The following CEP85L variants were observed in gnomAD, a reference collection of about 807,000 sequenced individuals.
The protein encoded by CEP85L is centrosomal protein 85L, also known as centrosomal protein of 85 kDa-like.
CEP85L carries 60 observed loss-of-function variants against 100.3 expected under a neutral mutation model. That is an observed-to-expected ratio of 0.60 (90% confidence interval 0.49 to 0.74). The LOEUF is 0.74. Ranked by LOEUF, CEP85L falls within the 30% of genes least tolerant of loss-of-function variation. CEP85L has a pLI of 0.00. For missense variants in CEP85L, 973 were observed against 936.2 expected (o/e 1.04, Z -0.51); for synonymous variants, 319 against 322.7 (o/e 0.99, Z 0.12).
intron 1 of CEP85L, among the ~76,000 whole-genome samples, chr6:118,687,552 G>A (rs928603031): frequency 3.9e-5 from 6 of 152,182 alleles, no homozygotes; most frequent in African/African-American, 1.4e-4. Context: ...AGGAGGTAAA[G>A]AAATAGCCAA....
Position 118,565,212 on chromosome 6 carries a change from C to T in CEP85L, c.1020+317G>A, listed in dbSNP as rs78530950. 340 of 308,600 alleles carry T rather than the reference C, an allele frequency of 1.1e-3. 3 individuals carry two copies. The East Asian group carries it at 0.021, about 19-fold the overall frequency. The allele number at this position is 308,600 out of a possible 1,614,324, so 19.1% of individuals were successfully genotyped here. The stretch of plus-strand genomic sequence containing the variant: ...CAAGTTGATGCTCTTTCTATTATAC[C>T]TATGCTAGCTTTTTTGTTTCTGTTT... On this transcript the variant is annotated intron_variant, in intron 3 of 12. Coordinates refer to ENST00000368491, the MANE Select transcript of CEP85L (RefSeq NM_001042475.3).
chr6:118,654,598 G>A (rs1394531312), upstream of CEP85L, among the ~76,000 whole-genome samples: 1 of 152,080 alleles, frequency 6.6e-6, no homozygotes, highest in East Asian at 1.9e-4. Context: ...GTGGATTGTT[G>A]TAATCCCAAA....
rs774869216 is a variant in CEP85L, at chr6:118,565,849, T to C, written c.700A>G (p.Ser234Gly). 3 of 1,614,066 alleles carry C rather than the reference T, an allele frequency of 1.9e-6. No individual in the cohort carries two copies. In the South Asian group the frequency reaches 3.3e-5, roughly 18 times the overall value. Residue 234 changes from serine to glycine, a missense_variant, in exon 3 of 13, where the codon AGC (serine) becomes GGC (glycine). By Grantham distance (56) the Ser-to-Gly change is moderately conservative. Coordinates refer to ENST00000368491, the MANE Select transcript of CEP85L (RefSeq NM_001042475.3). Reference sequence around the variant, plus strand: ...GCTCTAAAGTCCTCCTTGCTACAGCTCTCAAATTTATACTTGCAGTCCAGA... The same window carrying C: ...GCTCTAAAGTCCTCCTTGCTACAGCCCTCAAATTTATACTTGCAGTCCAGA... ...STLDCKYKFE[S>G]CSKEDFRASS...
chr6:118,542,330 CT>C (rs967519514), intron 3 of CEP85L, among the ~76,000 whole-genome samples: 11 of 151,184 alleles, frequency 7.3e-5, no homozygotes, highest in South Asian at 2.1e-4. Context: ...AAGATAAGGA[CT>C]TTTTTTTTAA....
intron 1 of CEP85L, among the ~76,000 whole-genome samples, chr6:118,678,799 G>A (rs1339974003): frequency 6.6e-6 from 1 of 152,204 alleles, no homozygotes; most frequent in Non-Finnish European, 1.5e-5. Flanking sequence ...GGGCATGGTG[G>A]CAGGTGCCTG....
At chr6:118,483,266 G>T (rs561514910) in intron 7 of CEP85L, among the ~76,000 whole-genome samples, 1 of 151,772 alleles carries the variant, frequency 6.6e-6, no homozygotes, top group Non-Finnish European at 1.5e-5. Flanking sequence ...AAAGTCAGAG[G>T]AGTTAATTGA....
chr6:118,671,185 T>C (rs1247956126), intron 1 of CEP85L, among the ~76,000 whole-genome samples: 2 of 152,188 alleles, frequency 1.3e-5, no homozygotes, highest in Non-Finnish European at 2.9e-5. Context: ...TTGTGAGCCC[T>C]CTTGAATTGC....
intron 1 of CEP85L, among the ~76,000 whole-genome samples, chr6:118,663,013 G>A (rs1428114855): frequency 6.6e-6 from 1 of 151,726 alleles, no homozygotes; most frequent in Non-Finnish European, 1.5e-5. Context: ...TATTTTTTCT[G>A]CATACTTTTT....
In CEP85L at chr6:118,565,523, C is replaced by A. The variant is rs762638463; in HGVS notation, c.1020+6G>T. 13 of 1,613,684 alleles carry A rather than the reference C, an allele frequency of 8.1e-6. No homozygotes were observed. The highest frequency in any genetic ancestry group is 1.1e-5 in the Non-Finnish European group (13 of 1,179,758). On this transcript the variant is annotated splice_donor_region_variant and intron_variant, in intron 3 of 12. Coordinates refer to ENST00000368491, the MANE Select transcript of CEP85L (RefSeq NM_001042475.3). Reference sequence around the variant, plus strand: ...AGGGAAGCAAACACTAGATTTTGCACCTTACCTGCATTGGTGTTTCACTTC... The same window carrying A: ...AGGGAAGCAAACACTAGATTTTGCAACTTACCTGCATTGGTGTTTCACTTC...
At chr6:118,571,175 G>A (rs1779866200) in intron 2 of CEP85L, among the ~76,000 whole-genome samples, 1 of 152,014 alleles carries the variant, frequency 6.6e-6, no homozygotes, top group Admixed American at 6.5e-5. Flanking sequence ...TTTACCCTGA[G>A]GAAACACAGT....
intron 4 of CEP85L, 132 bp downstream of exon 4, chr6:118,523,670 G>C: frequency 2.1e-6 from 1 of 481,276 alleles, no homozygotes; most frequent in Non-Finnish European, 3.6e-6. Context: ...ATTGAGGAGG[G>C]GCAGAGATGT....
chr6:118,506,520 T>A (rs1240819991), intron 5 of CEP85L, among the ~76,000 whole-genome samples: 1 of 152,242 alleles, frequency 6.6e-6, no homozygotes, highest in Non-Finnish European at 1.5e-5. Context: ...CTTCTGCTAA[T>A]GTAGTAGGTA....
At chr6:118,695,890 G>T (rs1777192507) in intron 1 of CEP85L, among the ~76,000 whole-genome samples, 1 of 152,160 alleles carries the variant, frequency 6.6e-6, no homozygotes, top group Non-Finnish European at 1.5e-5. Flanking sequence ...CAACAAACTG[G>T]AACTGACTTG....
In CEP85L at chr6:118,500,918, C is replaced by A. The variant is rs1383798986; in HGVS notation, c.1258-9053G>T. ...GGAGGCAAGTCTAATCTCATAGGGG[C>A]ATGACACTGGAAGTCTTTTTCTGCC... On this transcript the variant is annotated intron_variant, in intron 5 of 12. Coordinates refer to ENST00000368491, the MANE Select transcript of CEP85L (RefSeq NM_001042475.3). Among the ~76,000 whole-genome samples, 6 of 152,234 alleles carry A rather than the reference C, an allele frequency of 3.9e-5. No homozygotes were observed. In the East Asian group the frequency reaches 9.6e-4, roughly 24 times the overall value.
intron 6 of CEP85L, among the ~76,000 whole-genome samples, chr6:118,489,997 GCACACA>G (rs917764086): frequency 2.0e-5 from 3 of 149,388 alleles, no homozygotes; most frequent in African/African-American, 7.4e-5. Context: ...ACACACACAC[GCACACA>G]CACACACAAA....
intron 2 of CEP85L, among the ~76,000 whole-genome samples, chr6:118,592,758 G>A (rs1426452484): frequency 1.3e-5 from 2 of 152,048 alleles, no homozygotes; most frequent in Non-Finnish European, 2.9e-5. Context: ...AATAGTAAAT[G>A]CTCAATAAAT....
chr6:118,547,546 G>A (rs140314676), intron 3 of CEP85L, among the ~76,000 whole-genome samples: 40 of 152,180 alleles, frequency 2.6e-4, no homozygotes, highest in Admixed American at 6.5e-4. Flanking sequence ...GTAAGATTGT[G>A]TAATAATTTA....
intron 10 of CEP85L, among the ~76,000 whole-genome samples, chr6:118,475,761 G>A (rs1023978244): frequency 6.6e-6 from 1 of 152,062 alleles, no homozygotes; most frequent in Non-Finnish European, 1.5e-5. Flanking sequence ...TGTTAAATGT[G>A]TTTGATGACA....
intron 1 of CEP85L, among the ~76,000 whole-genome samples, chr6:118,687,448 G>A (rs962862388): frequency 5.3e-5 from 8 of 152,176 alleles, no homozygotes; most frequent in South Asian, 2.1e-4. Flanking sequence ...GAAGGTGACC[G>A]CTTCCACCTT....
Sources: gnomAD v4.1 joint callset for allele counts (sites outside exome capture counted in the v4.1 genomes callset) on GRCh38, gnomAD v4.1.1 for gene constraint, MANE v1.5 for transcripts, NCBI Gene and HGNC (gene_info 2026-07-23, HGNC 2026-07-21) for gene names.